The following DNAH17 variants were observed in gnomAD, a reference collection of about 807,000 sequenced individuals.
The protein encoded by DNAH17 is dynein axonemal heavy chain 17, also known as axonemal beta dynein heavy chain 17.
Under a neutral mutation model 485.6 loss-of-function variants are expected in DNAH17, and 376 were observed. That is an observed-to-expected ratio of 0.77 (90% CI 0.71 to 0.84). DNAH17 has a LOEUF of 0.84. Among genes scored for constraint, DNAH17 ranks in the 40% least tolerant of loss-of-function variants. The pLI, the probability that DNAH17 is intolerant of heterozygous loss-of-function variation, is 0.00. For missense variants in DNAH17, 6,370 were observed against 5,839.3 expected (o/e 1.09, Z -2.96); for synonymous variants, 3,031 against 2,405.9 (o/e 1.26, Z -7.60).
In DNAH17 at chr17:78,531,618, G is replaced by A. The variant is rs763150876; in HGVS notation, c.3114+864C>T. 5.3e-5 allele frequency among the ~76,000 whole-genome samples: 8 copies of A among 152,190 alleles called. No homozygotes were observed. The South Asian group carries it at 6.2e-4, about 12-fold the overall frequency. On this transcript the variant is annotated intron_variant, in intron 20 of 80. Transcript: ENST00000389840. ...CTCCCAAAGTGCTGGTATCACAGGC[G>A]TGAGCCACCACGCCCGGCCGACATA...
chr17:78,480,430 T>C lies in DNAH17; in HGVS notation c.7752+254A>G, dbSNP rs367892279. 8.5e-5 allele frequency among the ~76,000 whole-genome samples: 13 copies of C among 152,336 alleles called. No homozygotes were observed. The East Asian group carries it at 1.2e-3, about 14-fold the overall frequency. On this transcript the variant is annotated intron_variant, in intron 49 of 80. Transcript: ENST00000389840. The stretch of plus-strand genomic sequence containing the variant: ...ATACTTAGACTAAAAACATATTTAT[T>C]TATCTGGAGTTTGGATTTAACTGCA...
intron 72 of DNAH17, among the ~76,000 whole-genome samples, chr17:78,440,432 G>A (rs952307997): frequency 2.0e-5 from 3 of 151,776 alleles, no homozygotes; most frequent in African/African-American, 7.2e-5. Flanking sequence ...ACGTTTTCTT[G>A]TATGTTTTGT....
intron 48 of DNAH17, among the ~76,000 whole-genome samples, chr17:78,484,219 T>C (rs946013884): frequency 1.3e-5 from 2 of 151,476 alleles, no homozygotes; most frequent in East Asian, 1.9e-4. Context: ...ATCTGCACTC[T>C]GTCCCGAGGC....
At chr17:78,518,506 T>C (rs1481999540) in intron 25 of DNAH17, among the ~76,000 whole-genome samples, 1 of 152,156 alleles carries the variant, frequency 6.6e-6, no homozygotes, top group Non-Finnish European at 1.5e-5. Context: ...AAGCAAAAAC[T>C]GATGGAGCTG....
At chr17:78,538,937 CA>C (rs1278539154) in intron 18 of DNAH17, among the ~76,000 whole-genome samples, 50 of 152,216 alleles carry the variant, frequency 3.3e-4, no homozygotes, top group African/African-American at 1.1e-3. Flanking sequence ...ACCATCTCAA[CA>C]AAAAAGATGC....
Position 78,468,833 on chromosome 17 carries a change from C to G in DNAH17, c.8562G>C (p.Ser2854=). 1.2e-6 allele frequency: 2 copies of G among 1,613,978 alleles called. No homozygotes were observed. Among genetic ancestry groups the G allele is most frequent in the Middle Eastern group, 1.6e-4 (1 of 6,062 alleles). The change falls in exon 55 of 81, where the codon TCG becomes TCC. Residue 2854 remains serine, a synonymous_variant. Coordinates refer to ENST00000389840, the MANE Select transcript of DNAH17 (RefSeq NM_173628.4). ...CCTGGGAGTCTGTCATCAGGAACAC[C>G]GAGGGAACGTTCTTCACGGCAGCCT... is the stretch of plus-strand genomic sequence containing the variant. ...YIKAAVKNVP[S]VFLMTDSQVA...
At chr17:78,484,794 T>C (rs945607946) in intron 48 of DNAH17, 74 bp downstream of exon 48, 15 of 1,023,012 alleles carry the variant, frequency 1.5e-5, no homozygotes, top group Non-Finnish European at 1.8e-5. Flanking sequence ...CTCCGCCTCT[T>C]CCTGCGCCCC....
intron 75 of DNAH17, among the ~76,000 whole-genome samples, chr17:78,432,008 C>T (rs755025113): frequency 2.0e-5 from 3 of 151,664 alleles, no homozygotes; most frequent in Non-Finnish European, 2.9e-5. Context: ...CCCGTCTTTA[C>T]AGAACAAAAC....
chr17:78,577,011 A>C (rs927488732), intron 1 of DNAH17, among the ~76,000 whole-genome samples: 1 of 152,162 alleles, frequency 6.6e-6, no homozygotes, highest in Admixed American at 6.5e-5. Context: ...CCACAGGAGG[A>C]AGCTGGGGCT....
intron 57 of DNAH17, among the ~76,000 whole-genome samples, chr17:78,462,544 T>G (rs1323462881): frequency 6.6e-6 from 1 of 152,186 alleles, no homozygotes; most frequent in Admixed American, 6.5e-5. Flanking sequence ...GCATTTGTAT[T>G]GACTGCATTG....
In DNAH17 at chr17:78,451,646, C is replaced by T. The variant is rs772884218; in HGVS notation, c.10557G>A (p.Val3519=). 1 of 1,584,458 alleles carries T rather than the reference C, an allele frequency of 6.3e-7. No individual in the cohort carries two copies. Among genetic ancestry groups the T allele is most frequent in the South Asian group, 1.2e-5 (1 of 86,850 alleles). Residue 3519 remains valine (V), a synonymous_variant, in exon 66 of 81, where the codon GTG becomes GTA. Coordinates refer to ENST00000389840, the MANE Select transcript of DNAH17 (RefSeq NM_173628.4). ...GKYIKIGDKE[V]EYHPKFRLIL... ...TCAGGCGGAACTTGGGGTGGTACTCCACCTCCTTGTCACCGATCTTAATGT... is the reference window on the plus strand; with the variant it reads ...TCAGGCGGAACTTGGGGTGGTACTCTACCTCCTTGTCACCGATCTTAATGT...
rs763280857 is a variant in DNAH17, at chr17:78,459,184, G to A, written c.9678C>T (p.Phe3226=). 3.7e-5 allele frequency: 60 copies of A among 1,613,780 alleles called. No homozygotes were observed. The highest frequency in any genetic ancestry group is 3.2e-5 in the Non-Finnish European group (38 of 1,179,894). ...AFKPYQGNPT[F]DPEFIRSKST... is the part of the protein sequence containing the mutation. Reference sequence around the variant, plus strand: ...ACTTGGAGCGGATGAACTCGGGGTCGAACGTCGGGTTGCCTTGGTAGGGCC... The same window carrying A: ...ACTTGGAGCGGATGAACTCGGGGTCAAACGTCGGGTTGCCTTGGTAGGGCC... The change falls in exon 61 of 81, where the codon TTC becomes TTT. Residue 3226 remains phenylalanine, a synonymous_variant. Coordinates refer to ENST00000389840, the MANE Select transcript of DNAH17 (RefSeq NM_173628.4).
rs150403716 is a variant in DNAH17 at position 78,492,457 on chromosome 17, G to A, written c.6541+176C>T. Among the ~76,000 whole-genome samples, 1,081 of 152,238 alleles carry A rather than the reference G, an allele frequency of 7.1e-3. 9 individuals carry two copies. The highest frequency in any genetic ancestry group is 0.024 in the African/African-American group (1,010 of 41,538). ...CCTTATCCCCCAGCCCGGGTGCTAC[G>A]TGCCCACTGCTCCCCATAAACTTTG... On this transcript the variant is annotated intron_variant, in intron 42 of 80. Coordinates refer to ENST00000389840, the MANE Select transcript of DNAH17 (RefSeq NM_173628.4).
At chr17:78,571,157 G>A in intron 5 of DNAH17, 122 bp downstream of exon 5, 1 of 1,277,638 alleles carries the variant, frequency 7.8e-7, no homozygotes, top group Non-Finnish European at 1.1e-6. Flanking sequence ...CAAGTGGAGG[G>A]GGCTGAGAAA....
At chr17:78,494,496 G>A (rs891948685) in intron 40 of DNAH17, 97 bp downstream of exon 40, 13 of 1,334,028 alleles carry the variant, frequency 9.7e-6, no homozygotes, top group African/African-American at 2.9e-5. Context: ...GGAAACGTGC[G>A]TGTGTGACAC....
chr17:78,469,738 CT>C (rs1178342717), intron 54 of DNAH17, among the ~76,000 whole-genome samples: 1 of 152,184 alleles, frequency 6.6e-6, no homozygotes, highest in Non-Finnish European at 1.5e-5. Flanking sequence ...ATGATTTGGT[CT>C]TAAAAAGGGG....
At position 78,468,856 on chromosome 17, in the gene DNAH17, C is replaced by A; in HGVS notation, c.8539G>T (p.Ala2847Ser). The change falls in exon 55 of 81, where the codon GCT (alanine) becomes TCT (serine). Residue 2847 changes from alanine to serine, a missense_variant. By Grantham distance (99) the Ala-to-Ser change is moderately conservative. Coordinates refer to ENST00000389840, the MANE Select transcript of DNAH17 (RefSeq NM_173628.4). ...KIDLAAQYIK[A>S]AVKNVPSVFL... ...ACCGAGGGAACGTTCTTCACGGCAG[C>A]CTTTATGTACTGAGCAGCGAGGTCA... The A allele has an allele frequency of 5.0e-6, 8 of 1,613,848 alleles. No individual in the cohort carries two copies. Among genetic ancestry groups the A allele is most frequent in the Non-Finnish European group, 6.8e-6 (8 of 1,179,888 alleles).
chr17:78,488,000 G>A (rs905382583), intron 44 of DNAH17, among the ~76,000 whole-genome samples: 2 of 152,184 alleles, frequency 1.3e-5, no homozygotes, highest in African/African-American at 2.4e-5. Context: ...CATGCCTGTC[G>A]CAACTAAGAA....
intron 11 of DNAH17, 43 bp from the exon 12 acceptor site, chr17:78,562,023 C>T: frequency 6.6e-7 from 1 of 1,521,096 alleles, no homozygotes; most frequent in African/African-American, 1.4e-5. Context: ...ACAGTCTCCT[C>T]CCCTTCCCCA....
Sources: gnomAD v4.1 joint callset for allele counts (sites outside exome capture counted in the v4.1 genomes callset) on GRCh38, gnomAD v4.1.1 for gene constraint, MANE v1.5 for transcripts, NCBI Gene and HGNC (gene_info 2026-07-23, HGNC 2026-07-21) for gene names.